Variants in ARID5B observed in about 807,000 individuals in gnomAD.
ARID5B encodes the protein AT-rich interaction domain 5B, also known as AT-rich interactive domain-containing protein 5B.
In ARID5B, 13 loss-of-function variants were observed where a neutral mutation model predicts 97.2. That is an observed-to-expected ratio of 0.13 (90% CI 0.09 to 0.21). The LOEUF is 0.21. ARID5B is among the 10% of genes least tolerant of loss of function. The pLI, the probability that ARID5B is intolerant of heterozygous loss-of-function variation, is 1.00. For missense variants in ARID5B, 1,210 were observed against 1,465.3 expected, an observed-to-expected ratio of 0.83 and a Z score of 2.84; for synonymous variants, 556 against 570.3, an observed-to-expected ratio of 0.97 and a Z score of 0.36.
At chr10:62,048,904 C>T (rs1029122390) in intron 4 of ARID5B, among the ~76,000 whole-genome samples, 1 of 152,172 alleles carries the variant, frequency 6.6e-6, no homozygotes, top group African/African-American at 2.4e-5. Context: ...AATGAAATGC[C>T]TGCGACCTGC....
chr10:61,930,668 C>T (rs370052936), intron 2 of ARID5B, among the ~76,000 whole-genome samples: 13 of 151,566 alleles, frequency 8.6e-5, no homozygotes, highest in African/African-American at 2.7e-4. Flanking sequence ...TGCAGTGAAC[C>T]GAGATGGCAC....
At chr10:61,993,950 A>G (rs1476445738) in intron 3 of ARID5B, among the ~76,000 whole-genome samples, 1 of 152,230 alleles carries the variant, frequency 6.6e-6, no homozygotes, top group Non-Finnish European at 1.5e-5. Flanking sequence ...CAAGCTTTAT[A>G]ACGTGAGCAC....
chr10:62,057,148 A>T lies in ARID5B; in HGVS notation c.878A>T (p.Lys293Met). Residue 293 changes from lysine to methionine, a missense_variant, in exon 6 of 10, where the codon AAG (lysine) becomes ATG (methionine). Lys to Met is a moderately conservative substitution (Grantham distance 95). Transcript: ENST00000279873. The part of the protein sequence containing the change: ...VKCEARSALT[K>M]PKNNHNCKKV... The stretch of plus-strand genomic sequence containing the variant: ...TGTGAGGCCAGGTCAGCCTTGACCA[A>T]GCCGAAGAATAACCATAACTGTAAA... 6.2e-7 allele frequency: 1 copy of T among 1,613,738 alleles called. No homozygotes were observed. Among genetic ancestry groups the T allele is most frequent in the East Asian group, 2.2e-5 (1 of 44,860 alleles).
At chr10:61,936,877 A>C (rs1264648411) in intron 2 of ARID5B, among the ~76,000 whole-genome samples, 1 of 147,544 alleles carries the variant, frequency 6.8e-6, no homozygotes, top group East Asian at 1.9e-4. Context: ...AGAAAAAAAA[A>C]CTTTGAAGTA....
intron 3 of ARID5B, among the ~76,000 whole-genome samples, chr10:61,996,776 A>G (rs1400680868): frequency 6.6e-6 from 1 of 151,940 alleles, no homozygotes; most frequent in Non-Finnish European, 1.5e-5. Flanking sequence ...GTCTTCTGTG[A>G]TATCTGTAAC....
intron 4 of ARID5B, among the ~76,000 whole-genome samples, chr10:62,015,447 A>C (rs1306428945): frequency 6.6e-6 from 1 of 152,176 alleles, no homozygotes; most frequent in Non-Finnish European, 1.5e-5. Context: ...TCTTTTCAGT[A>C]GCCTATCAAC....
chr10:61,940,173 C>T lies in ARID5B; in HGVS notation c.277-10C>T. On this transcript the variant is annotated splice_polypyrimidine_tract_variant and intron_variant, in intron 2 of 9. Coordinates refer to ENST00000279873, the MANE Select transcript of ARID5B (RefSeq NM_032199.3). ...AACGTTTTTTGTTCTTCCCCAACCA[C>T]CTCTTGTAGGATGAAGTCATTGCTG... is the stretch of plus-strand genomic sequence containing the variant. The T allele has an allele frequency of 6.2e-7, 1 of 1,613,694 alleles. No homozygotes were observed. The highest frequency in any genetic ancestry group is 8.5e-7 in the Non-Finnish European group (1 of 1,179,594).
intron 3 of ARID5B, among the ~76,000 whole-genome samples, chr10:61,983,684 T>A (rs1191700931): frequency 6.6e-6 from 1 of 151,604 alleles, no homozygotes; most frequent in African/African-American, 2.4e-5. Flanking sequence ...TTGAGAGAGA[T>A]CTCGGCTGCT....
intron 3 of ARID5B, among the ~76,000 whole-genome samples, chr10:61,952,410 C>G (rs1322730835): frequency 6.6e-6 from 1 of 152,230 alleles, no homozygotes; most frequent in Admixed American, 6.5e-5. Context: ...GATCACCTTA[C>G]TCTATACCTA....
chr10:62,063,502 A>G (rs534178784), intron 7 of ARID5B, among the ~76,000 whole-genome samples: 154 of 151,652 alleles, frequency 1.0e-3, no homozygotes, highest in Non-Finnish European at 1.9e-3. Flanking sequence ...ACAACCATCA[A>G]ATTGAATTAA....
At position 62,091,318 on chromosome 10, in the gene ARID5B, A is replaced by G. The variant is rs754851401; in HGVS notation, c.1855A>G (p.Met619Val). 4.3e-6 allele frequency: 7 copies of G among 1,614,192 alleles called. No individual in the cohort carries two copies. The highest frequency in any genetic ancestry group is 1.6e-4 in the Middle Eastern group (1 of 6,062). Residue 619 changes from methionine (M) to valine (V), a missense_variant, in exon 10 of 10, where the codon ATG becomes GTG. Transcript: ENST00000279873. ...NETEDDKLPA[M>V]ADYIANCTVK... ...GACGGAGGATGACAAACTGCCCGCC[A>G]TGGCAGATTACATTGCCAACTGCAC...
intron 8 of ARID5B, among the ~76,000 whole-genome samples, chr10:62,075,527 C>T (rs1476864830): frequency 6.6e-6 from 1 of 152,246 alleles, no homozygotes; most frequent in East Asian, 1.9e-4. Flanking sequence ...AAAACACCCT[C>T]TGTGGCTTCC....
At chr10:61,906,120 A>G (rs1843703593) in intron 2 of ARID5B, among the ~76,000 whole-genome samples, 1 of 152,226 alleles carries the variant, frequency 6.6e-6, no homozygotes, top group African/African-American at 2.4e-5. Context: ...AAGAGGATTT[A>G]TAGGCAAAAG....
chr10:61,923,773 A>G (rs188842289), intron 2 of ARID5B, among the ~76,000 whole-genome samples: 47 of 151,958 alleles, frequency 3.1e-4, no homozygotes, highest in African/African-American at 1.0e-3. Flanking sequence ...GGAGCAGGAG[A>G]CTCTGCCTGG....
chr10:62,030,822 G>C (rs946553196), intron 4 of ARID5B, among the ~76,000 whole-genome samples: 1 of 152,214 alleles, frequency 6.6e-6, no homozygotes, highest in Non-Finnish European at 1.5e-5. Context: ...AGCGCAAAGG[G>C]TCTAAAAATG....
intron 4 of ARID5B, among the ~76,000 whole-genome samples, chr10:62,030,729 A>G (rs1839486081): frequency 1.3e-5 from 2 of 152,214 alleles, no homozygotes; most frequent in African/African-American, 2.4e-5. Flanking sequence ...AATTTTCCCC[A>G]TTTTTGAAAA....
chr10:62,091,026 C>T lies in ARID5B; in HGVS notation c.1563C>T (p.Asp521=), dbSNP rs1269895188. 1 of 1,614,010 alleles carries T rather than the reference C, an allele frequency of 6.2e-7. No individual in the cohort carries two copies. Among genetic ancestry groups the T allele is most frequent in the African/African-American group, 1.3e-5 (1 of 74,922 alleles). The change falls in exon 10 of 10, where the codon GAC becomes GAT. Residue 521 remains aspartate (D), a synonymous_variant. Transcript: ENST00000279873. ...ACCCAGAGAAGGACAACGAAACAGA[C>T]CAAGGTTCCAACAGTGAGAAGGTGG... ...RVDPEKDNET[D]QGSNSEKVAE...
rs1169528923 is a variant in ARID5B at position 62,095,222 on chromosome 10, G to A, written c.*2192G>A. On this transcript the variant is annotated 3_prime_UTR_variant, in exon 10 of 10. Transcript: ENST00000279873. ...AGAGGGGGGAAAAATCTCAATTCCA[G>A]CTGGCAAGATGCTAGCCAGGACACA... 8.6e-6 allele frequency: 2 copies of A among 233,448 alleles called. No individual in the cohort carries two copies. Among genetic ancestry groups the A allele is most frequent in the Non-Finnish European group, 1.7e-5 (2 of 117,954 alleles). The allele number at this position is 233,448 out of a possible 1,614,324, so 14.5% of individuals were successfully genotyped here.
chr10:62,071,982 C>G (rs1472837807), intron 8 of ARID5B, among the ~76,000 whole-genome samples: 1 of 152,196 alleles, frequency 6.6e-6, no homozygotes, highest in Non-Finnish European at 1.5e-5. Flanking sequence ...TCACCATAGG[C>G]AGTTGCTTAA....
Sources: allele counts gnomAD v4.1 joint callset (sites outside exome capture counted in the v4.1 genomes callset), GRCh38; gene constraint gnomAD v4.1.1; transcripts MANE v1.5; gene names NCBI Gene and HGNC (gene_info 2026-07-23, HGNC 2026-07-21).